The following SNRPD3 variants were observed in gnomAD, a reference collection of about 807,000 sequenced individuals.
SNRPD3 encodes small nuclear ribonucleoprotein Sm D3.
For missense variants in SNRPD3, 73 were observed against 167.5 expected (o/e 0.44, Z 3.11); for synonymous variants, 66 against 58.4 (o/e 1.13, Z -0.59).
intron 1 of SNRPD3, among the ~76,000 whole-genome samples, chr22:24,556,708 A>C (rs2045073615): frequency 6.6e-6 from 1 of 152,222 alleles, no homozygotes; most frequent in African/African-American, 2.4e-5. Flanking sequence ...TTTACATATA[A>C]TTCTGCAGTG....
intron 2 of SNRPD3, among the ~76,000 whole-genome samples, chr22:24,566,810 C>G (rs1406000555): frequency 1.3e-5 from 2 of 152,216 alleles, no homozygotes; most frequent in Non-Finnish European, 2.9e-5. Context: ...ATTGGTATCA[C>G]CCTCCCATGC....
At chr22:24,557,908 T>C in intron 2 of SNRPD3, 108 bp downstream of exon 2, 1 of 1,137,686 alleles carries the variant, frequency 8.8e-7, no homozygotes, top group Non-Finnish European at 1.2e-6. Context: ...TCAGCAGTGA[T>C]TTCCTAAGTG....
chr22:24,573,224 TAA>T lies in SNRPD3; in HGVS notation c.*1249_*1250del, dbSNP rs1425194569. 6.6e-6 allele frequency among the ~76,000 whole-genome samples: 1 copy of T among 151,708 alleles called. No homozygotes were observed. The highest frequency in any genetic ancestry group is 1.5e-5 in the Non-Finnish European group (1 of 67,932). ...GTCTTTAAAGAAAAATAAGTAGTAGTAAAGAGTATAAGATACACAGGGTGAAT... is the reference window on the plus strand; with the variant it reads ...GTCTTTAAAGAAAAATAAGTAGTAGTAGAGTATAAGATACACAGGGTGAAT... On this transcript the variant is annotated 3_prime_UTR_variant, in exon 4 of 4. Coordinates refer to ENST00000215829, the MANE Select transcript of SNRPD3 (RefSeq NM_004175.5).
At chr22:24,561,880 TC>T (rs146279599) in intron 2 of SNRPD3, among the ~76,000 whole-genome samples, 20,843 of 152,128 alleles carry the variant, frequency 0.14, 1,496 homozygotes, top group South Asian at 0.23. Context: ...ATGCCTGTAG[TC>T]CCAGCCATTC....
rs754223407 is a variant in SNRPD3 at position 24,560,887 on chromosome 22, A to G, written c.126+3087A>G. ...TGGGGTTATAGGCATGGGCCACCGT[A>G]CCCCACTAATGTTAATATTTTTTGT... On this transcript the variant is annotated intron_variant, in intron 2 of 3. Coordinates refer to ENST00000215829, the MANE Select transcript of SNRPD3 (RefSeq NM_004175.5). Among the ~76,000 whole-genome samples the G allele has an allele frequency of 1.3e-5, 2 of 149,496 alleles. 1 individual carries two copies. Among genetic ancestry groups the G allele is most frequent in the Non-Finnish European group, 3.0e-5 (2 of 67,524 alleles).
chr22:24,560,346 A>G (rs1275187889), intron 2 of SNRPD3, among the ~76,000 whole-genome samples: 1 of 146,814 alleles, frequency 6.8e-6, no homozygotes, highest in Non-Finnish European at 1.5e-5. Flanking sequence ...CTGGTCTCGA[A>G]CTCCTGACCT....
chr22:24,572,309 GA>G lies in SNRPD3; in HGVS notation c.*336del. ...CTGGCCAGTTGCAGGTTAAGCCCCAGAAAAGTTCACCTTGGAGAAGCTCCGA... is the reference window on the plus strand; with the variant it reads ...CTGGCCAGTTGCAGGTTAAGCCCCAGAAAGTTCACCTTGGAGAAGCTCCGA... On this transcript the variant is annotated 3_prime_UTR_variant, in exon 4 of 4. Coordinates refer to ENST00000215829, the MANE Select transcript of SNRPD3 (RefSeq NM_004175.5). The G allele has an allele frequency of 1.7e-6, 1 of 599,132 alleles. No individual in the cohort carries two copies. The highest frequency in any genetic ancestry group is 2.9e-6 in the Non-Finnish European group (1 of 339,346). 37.1% of individuals were successfully genotyped at this position (599,132 alleles called of 1,614,324 possible). A position where few individuals can be genotyped will look rare whatever the true frequency, so the allele number is the denominator to read the frequency against.
chr22:24,571,750 T>TAA (rs1555893405), intron 3 of SNRPD3, among the ~76,000 whole-genome samples, 166 bp from the exon 4 acceptor site: 13 of 131,482 alleles, frequency 9.9e-5, no homozygotes, highest in Admixed American at 2.3e-4. Flanking sequence ...TCTCAAAAAA[T>TAA]AAAAAAAAAA....
chr22:24,555,799 G>T (rs1014176355), upstream of SNRPD3: 5 of 1,548,650 alleles, frequency 3.2e-6, no homozygotes, highest in South Asian at 1.2e-5. Context: ...CCCAAGGGTC[G>T]TTGCGGCGGC....
chr22:24,569,133 G>A (rs1020837065), intron 3 of SNRPD3, among the ~76,000 whole-genome samples: 18 of 152,172 alleles, frequency 1.2e-4, no homozygotes, highest in African/African-American at 4.1e-4. Flanking sequence ...ATTTCCTAGC[G>A]AGACTGGGTC....
chr22:24,559,915 A>G (rs2045116377), intron 2 of SNRPD3, among the ~76,000 whole-genome samples: 1 of 151,998 alleles, frequency 6.6e-6, no homozygotes, highest in Admixed American at 6.6e-5. Context: ...AGGAATGTGA[A>G]GGAAGGATCT....
intron 2 of SNRPD3, among the ~76,000 whole-genome samples, chr22:24,563,323 A>C (rs2045166279): frequency 6.6e-6 from 1 of 150,582 alleles, no homozygotes. Context: ...TTTTTAAAGG[A>C]AGAAGAGGAA....
rs1041393093 is a variant in SNRPD3, at chr22:24,556,006, T to G, written c.-84T>G. 7.7e-6 allele frequency: 5 copies of G among 648,902 alleles called. No homozygotes were observed. The African/African-American group carries it at 9.1e-5, about 12-fold the overall frequency. 40.2% of individuals were successfully genotyped at this position (648,902 alleles called of 1,614,324 possible). ...CTGGGTGTTAGGCCCGCCATTCGCT[T>G]GACTCACGCCTTCGCCGTAGCATCT... On this transcript the variant is annotated 5_prime_UTR_variant, in exon 1 of 4. Transcript: ENST00000215829.
intron 2 of SNRPD3, among the ~76,000 whole-genome samples, chr22:24,560,730 T>A (rs1227098603): frequency 2.3e-5 from 3 of 129,618 alleles, no homozygotes; most frequent in African/African-American, 9.3e-5. Context: ...TTTTTTTTTT[T>A]TTTTTTTTTT....
chr22:24,561,189 C>T (rs182711091), intron 2 of SNRPD3, among the ~76,000 whole-genome samples: 1 of 148,214 alleles, frequency 6.7e-6, no homozygotes, highest in African/African-American at 2.5e-5. Flanking sequence ...CTTTTCACCT[C>T]AGTCTTCTAA....
intron 2 of SNRPD3, among the ~76,000 whole-genome samples, chr22:24,565,689 C>T (rs1050302776): frequency 1.3e-5 from 2 of 152,130 alleles, no homozygotes; most frequent in African/African-American, 4.8e-5. Flanking sequence ...GAGACGGCGT[C>T]TTGCTCTGTT....
intron 2 of SNRPD3, among the ~76,000 whole-genome samples, chr22:24,566,785 G>A (rs2045200668): frequency 6.6e-6 from 1 of 152,202 alleles, no homozygotes; most frequent in Non-Finnish European, 1.5e-5. Context: ...TGCTTGTTGA[G>A]GTTGATGCTG....
chr22:24,560,823 G>A (rs115827042), intron 2 of SNRPD3, among the ~76,000 whole-genome samples: 3,312 of 146,158 alleles, frequency 0.023, 153 homozygotes, highest in African/African-American at 0.081. Context: ...CCGTCTTCCC[G>A]GGTTTAAGCA....
chr22:24,555,795 G>A (rs1279977110), upstream of SNRPD3: 2 of 1,548,972 alleles, frequency 1.3e-6, no homozygotes, highest in Non-Finnish European at 1.7e-6. Flanking sequence ...CGGCCCCAAG[G>A]GTCGTTGCGG....
Sources: gnomAD v4.1 joint callset for allele counts (sites outside exome capture counted in the v4.1 genomes callset) on GRCh38, gnomAD v4.1.1 for gene constraint, MANE v1.5 for transcripts, NCBI Gene and HGNC (gene_info 2026-07-23, HGNC 2026-07-21) for gene names.